CDKN1A: variants seen among roughly 807,000 people sequenced by gnomAD.
The protein encoded by CDKN1A is cyclin-dependent kinase inhibitor 1.
In CDKN1A, 14 loss-of-function variants were observed where a neutral mutation model predicts 14.8. The ratio of observed to expected loss-of-function variants is 0.94; its 90% CI spans 0.62 to 1.48. The LOEUF is 1.48. Ranked by LOEUF, CDKN1A falls within the 40% of genes most tolerant of loss-of-function variation. The pLI is 0.00. For missense variants in CDKN1A, 203 were observed against 231.7 expected (o/e 0.88, Z 0.80); for synonymous variants, 92 against 93.5 (o/e 0.98, Z 0.09).
At chr6:36,681,567 C>T (rs1356267136) in intron 1 of CDKN1A, among the ~76,000 whole-genome samples, 1 of 148,538 alleles carries the variant, frequency 6.7e-6, no homozygotes, top group East Asian at 1.9e-4. Flanking sequence ...GGCGTGATCC[C>T]CCCGCCCCCA....
chr6:36,685,483 G>T (rs1159024871), intron 2 of CDKN1A, among the ~76,000 whole-genome samples: 1 of 152,236 alleles, frequency 6.6e-6, no homozygotes, highest in African/African-American at 2.4e-5. Context: ...AGCTAGTAGT[G>T]GTTCCTCTGC....
At chr6:36,681,342 C>CT (rs1330425004) in intron 1 of CDKN1A, among the ~76,000 whole-genome samples, 13 of 114,160 alleles carry the variant, frequency 1.1e-4, no homozygotes, top group African/African-American at 1.7e-4. Context: ...CTTTTTCTTT[C>CT]TTTCTTTCTT....
At chr6:36,682,933 A>C (rs1762065800) in intron 1 of CDKN1A, among the ~76,000 whole-genome samples, 1 of 152,228 alleles carries the variant, frequency 6.6e-6, no homozygotes, top group South Asian at 2.1e-4. Context: ...GATGTGGCTC[A>C]GCCTGGGAGA....
Position 36,684,895 on chromosome 6 carries a change from G to A in CDKN1A, c.445+349G>A, listed in dbSNP as rs570088227. Among the ~76,000 whole-genome samples, 4 of 152,278 alleles carry A rather than the reference G, an allele frequency of 2.6e-5. No homozygotes were observed. The highest frequency in any genetic ancestry group is 4.1e-4 in the South Asian group (2 of 4,826). On this transcript the variant is annotated intron_variant, in intron 2 of 2. Coordinates refer to ENST00000244741, the MANE Select transcript of CDKN1A (RefSeq NM_000389.5). The surrounding 1 kb of genome is among the most constrained non-coding windows in gnomAD (Gnocchi z 6.0). ...TGGCCAGACTGGAGTGCAGTGATAC[G>A]ATCATGGCTCACTGCAGCTTCAAAC...
chr6:36,685,426 G>T (rs886711849), intron 2 of CDKN1A, among the ~76,000 whole-genome samples: 1 of 152,228 alleles, frequency 6.6e-6, no homozygotes, highest in African/African-American at 2.4e-5. Context: ...CTGAGGAACT[G>T]AATTGTTCAT....
At chr6:36,679,026 G>C (rs1041536437) in intron 1 of CDKN1A, 4 of 954,876 alleles carry the variant, frequency 4.2e-6, no homozygotes, top group South Asian at 4.8e-5. Flanking sequence ...GGATGTGCCG[G>C]AGACCCCGGG....
At chr6:36,678,676 G>A (rs1290247081), upstream of CDKN1A, 1 of 985,336 alleles carries the variant, frequency 1.0e-6, no homozygotes, top group Non-Finnish European at 1.2e-6. The surrounding 1 kb of genome is among the most constrained non-coding windows in gnomAD (Gnocchi z 5.7). Flanking sequence ...CCCGGGCGGG[G>A]CGGTTGTATA....
At chr6:36,678,076 A>G (rs1410161309), upstream of CDKN1A, 2 of 389,700 alleles carry the variant, frequency 5.1e-6, no homozygotes, top group Non-Finnish European at 5.0e-6. This position sits in a 1 kb window ranked among gnomAD's most constrained non-coding sequence, Gnocchi z 5.7. Flanking sequence ...ACTTAAGTTC[A>G]GTGGACCTCA....
In CDKN1A at chr6:36,686,990, A is replaced by G. The variant is rs555737213; in HGVS notation, c.*1190A>G. ...GGAACAAGGAGTCAGACATTTTAAG[A>G]TGGTGGCAGTAGAGGCTATGGACAG... is the stretch of plus-strand genomic sequence containing the variant. On this transcript the variant is annotated 3_prime_UTR_variant, in exon 3 of 3. Coordinates refer to ENST00000244741, the MANE Select transcript of CDKN1A (RefSeq NM_000389.5). This position sits in a 1 kb window ranked among gnomAD's most constrained non-coding sequence, Gnocchi z 4.9. 1.8e-3 allele frequency: 419 copies of G among 233,662 alleles called. 3 individuals carry two copies. Among genetic ancestry groups the G allele is most frequent in the African/African-American group, 8.9e-3 (404 of 45,454 alleles). 14.5% of individuals were successfully genotyped at this position (233,662 alleles called of 1,614,324 possible). A position where few individuals can be genotyped will look rare whatever the true frequency, so the allele number is the denominator to read the frequency against.
chr6:36,679,486 A>G (rs1040371081), intron 1 of CDKN1A, among the ~76,000 whole-genome samples: 1 of 151,982 alleles, frequency 6.6e-6, no homozygotes, highest in Non-Finnish European at 1.5e-5. Flanking sequence ...TGAGGTCAGA[A>G]CCCCGCCCGG....
chr6:36,677,951 G>A, upstream of CDKN1A: 2 of 1,239,428 alleles, frequency 1.6e-6, no homozygotes, highest in Non-Finnish European at 2.2e-6. Context: ...TAGGGTGTAG[G>A]GAGATTGGTT....
At chr6:36,680,307 C>CGTGTGGTGTGT (rs1761878155) in intron 1 of CDKN1A, among the ~76,000 whole-genome samples, 1 of 133,188 alleles carries the variant, frequency 7.5e-6, no homozygotes, top group Non-Finnish European at 1.6e-5. Context: ...TCTGCGCGGG[C>CGTGTGGTGTGT]GTGTGTGTGT....
intron 1 of CDKN1A, chr6:36,680,677 C>G (rs1406417087): frequency 6.6e-6 from 1 of 152,154 alleles, no homozygotes; most frequent in African/African-American, 2.4e-5. Context: ...CTGGCCGGCG[C>G]GAACCGCCGC....
intron 1 of CDKN1A, among the ~76,000 whole-genome samples, chr6:36,680,121 C>T (rs1761864921): frequency 6.6e-6 from 1 of 152,140 alleles, no homozygotes; most frequent in South Asian, 2.1e-4. Flanking sequence ...TTGGGGCGCC[C>T]AGGCAGCTTC....
chr6:36,679,121 C>G (rs2150305534), intron 1 of CDKN1A, among the ~76,000 whole-genome samples: 1 of 152,334 alleles, frequency 6.6e-6, no homozygotes, highest in African/African-American at 2.4e-5. Context: ...AGGGCGTGGA[C>G]GGGACCGTTC....
At chr6:36,681,369 C>CT (rs774034264) in intron 1 of CDKN1A, among the ~76,000 whole-genome samples, 1,804 of 69,558 alleles carry the variant, frequency 0.026, 117 homozygotes, top group South Asian at 0.038. Flanking sequence ...TCTTTTCTTT[C>CT]TTTCTTTCTT....
At chr6:36,685,669 C>A in intron 2 of CDKN1A, 82 bp from the exon 3 acceptor site, 1 of 1,412,744 alleles carries the variant, frequency 7.1e-7, no homozygotes, top group East Asian at 2.3e-5. Context: ...GGTGTCCTGG[C>A]CCCCCACTGT....
At chr6:36,683,967 C>A in intron 1 of CDKN1A, 130 bp from the exon 2 acceptor site, 2 of 916,038 alleles carry the variant, frequency 2.2e-6, no homozygotes, top group Non-Finnish European at 3.4e-6. Flanking sequence ...AGCAGGAAGA[C>A]CAGCTGGAAG....
At chr6:36,682,417 G>T (rs776219902) in intron 1 of CDKN1A, among the ~76,000 whole-genome samples, 19 of 152,200 alleles carry the variant, frequency 1.2e-4, no homozygotes, top group Admixed American at 1.2e-3. Flanking sequence ...GTGGCCTTTG[G>T]CCTTTTTAGC....
Sources: gnomAD v4.1 joint callset for allele counts (sites outside exome capture counted in the v4.1 genomes callset) on GRCh38, gnomAD v4.1.1 for gene constraint, Gnocchi (gnomAD v3.1) non-coding constraint, MANE v1.5 for transcripts, NCBI Gene and HGNC (gene_info 2026-07-23, HGNC 2026-07-21) for gene names.